CYFIP1: variants seen among roughly 807,000 people sequenced by gnomAD.
The protein encoded by CYFIP1 is cytoplasmic FMR1-interacting protein 1.
In CYFIP1, 58 loss-of-function variants were observed where a neutral mutation model predicts 163.5. The observed-to-expected ratio is 0.35, with a 90% CI of 0.29 to 0.44. The LOEUF is 0.44. CYFIP1 is among the 20% of genes least tolerant of loss of function. CYFIP1 has a pLI of 1.00. For synonymous variants in CYFIP1, 663 were observed against 660.7 expected (o/e 1.00, Z -0.05); for missense variants, 1,338 against 1,653.8 (o/e 0.81, Z 3.31).
chr15:22,872,259 C>T (rs1054501126), intron 30 of CYFIP1, among the ~76,000 whole-genome samples: 2 of 146,528 alleles, frequency 1.4e-5, no homozygotes, highest in Non-Finnish European at 1.5e-5. Flanking sequence ...CGTGGCATTG[C>T]ACCCCAGCCT....
chr15:22,958,880 G>A (rs953345926), intron 1 of CYFIP1, among the ~76,000 whole-genome samples: 11 of 152,140 alleles, frequency 7.2e-5, no homozygotes, highest in Non-Finnish European at 7.4e-5. Context: ...AAAACTATTC[G>A]GATGCTAAAA....
In CYFIP1 at chr15:22,908,518, C is replaced by CTTTTT. The variant is rs58565266; in HGVS notation, c.2388+671_2388+675dup. ...CTCTTGGTCCCTAAAGAAGATATTT[C>CTTTTT]TTTTTTTTTTTTTTTTTTTTTTTTT... On this transcript the variant is annotated intron_variant, in intron 21 of 30. Transcript: ENST00000617928. Among the ~76,000 whole-genome samples, 42 of 75,490 alleles carry CTTTTT rather than the reference C, an allele frequency of 5.6e-4. 3 individuals are homozygous for CTTTTT. In the East Asian group the frequency reaches 5.7e-3, roughly 10 times the overall value. 49.5% of individuals were successfully genotyped at this position (75,490 alleles called of 152,430 possible). A position where few individuals can be genotyped will look rare whatever the true frequency, so the allele number is the denominator to read the frequency against.
intron 1 of CYFIP1, among the ~76,000 whole-genome samples, chr15:22,966,924 C>T (rs1291663295): frequency 3.3e-5 from 5 of 151,922 alleles, no homozygotes; most frequent in African/African-American, 4.8e-5. Flanking sequence ...GACAGCTTTA[C>T]GTTGATGAAC....
chr15:22,945,269 G>C (rs1595675884), intron 3 of CYFIP1, among the ~76,000 whole-genome samples: 1 of 152,206 alleles, frequency 6.6e-6, no homozygotes, highest in African/African-American at 2.4e-5. Context: ...CACAGAGGAA[G>C]GGCTCAGGGC....
intron 13 of CYFIP1, among the ~76,000 whole-genome samples, chr15:22,921,149 C>T (rs907617776): frequency 1.3e-5 from 2 of 152,066 alleles, no homozygotes; most frequent in African/African-American, 4.8e-5. Flanking sequence ...GCAGGCGGAT[C>T]ACAAGGTCAG....
rs2059351669 is a variant in CYFIP1 at position 22,869,325 on chromosome 15, T to C, written c.*703A>G. ...GCTAAACCTGTGCTGAGGTGAGCGGTATATGGGATGGTGTCACGGTCCCAT... is the reference window on the plus strand; with the variant it reads ...GCTAAACCTGTGCTGAGGTGAGCGGCATATGGGATGGTGTCACGGTCCCAT... On this transcript the variant is annotated 3_prime_UTR_variant, in exon 31 of 31. Transcript: ENST00000617928. The C allele has an allele frequency of 6.6e-6, 1 of 152,070 alleles. No homozygotes were observed. The highest frequency in any genetic ancestry group is 2.4e-5 in the African/African-American group (1 of 41,350). The allele number at this position is 152,070 out of a possible 1,614,324, so 9.4% of individuals were successfully genotyped here.
rs998620796 is a variant in CYFIP1, at chr15:22,945,017, G to A, written c.208-78C>T. On this transcript the variant is annotated intron_variant, in intron 3 of 30. Transcript: ENST00000617928. The stretch of plus-strand genomic sequence containing the variant: ...AGCAGATGCCAGTTGCTAAAATCCA[G>A]ACAAAGCGCCACAAACTATCCTAAG... 7.6e-6 allele frequency: 10 copies of A among 1,310,258 alleles called. No homozygotes were observed. In the African/African-American group the frequency reaches 1.0e-4, roughly 13 times the overall value. The allele number at this position is 1,310,258 out of a possible 1,614,324, so 81.2% of individuals were successfully genotyped here.
chr15:22,950,637 C>T (rs1238669627), intron 1 of CYFIP1, among the ~76,000 whole-genome samples: 11 of 152,252 alleles, frequency 7.2e-5, no homozygotes, highest in African/African-American at 2.7e-4. Flanking sequence ...AAGTTTTAAA[C>T]TGTGCGCTGT....
Position 22,894,670 on chromosome 15 carries a change from G to C in CYFIP1, c.2589-1693C>G, listed in dbSNP as rs890718323. ...ATGTTTAAAATGATGGTTAAATTTA[G>C]AAAGCAGGCCTTAATTTATTTTGTC... On this transcript the variant is annotated intron_variant, in intron 22 of 30. Coordinates refer to ENST00000617928, the MANE Select transcript of CYFIP1 (RefSeq NM_014608.6). 1.3e-5 allele frequency among the ~76,000 whole-genome samples: 2 copies of C among 151,764 alleles called. 1 individual carries two copies. The highest frequency in any genetic ancestry group is 1.3e-4 in the Admixed American group (2 of 15,244).
rs1053809281 is a variant in CYFIP1 at position 22,903,801 on chromosome 15, G to T, written c.2493C>A (p.Asn831Lys). 1 of 1,614,088 alleles carries T rather than the reference G, an allele frequency of 6.2e-7. No individual in the cohort carries two copies. The highest frequency in any genetic ancestry group is 1.3e-5 in the African/African-American group (1 of 74,926). ...FDAMFREANHNVSAPYGRITL... is the reference protein window; with the variant it reads ...FDAMFREANHKVSAPYGRITL... ...TGATCCTCCCGTAGGGCGCTGACACGTTGTGGTTGGCCTCCCGGAACATGG... is the reference window on the plus strand; with the variant it reads ...TGATCCTCCCGTAGGGCGCTGACACTTTGTGGTTGGCCTCCCGGAACATGG... The change falls in exon 22 of 31, where the codon AAC becomes AAA. Residue 831 changes from asparagine (N) to lysine (K), a missense_variant. Around this residue, in one of 4 missense-constraint regions of CYFIP1, gnomAD observed 824 missense variants for 995.7 expected, o/e 0.83. Coordinates refer to ENST00000617928, the MANE Select transcript of CYFIP1 (RefSeq NM_014608.6).
chr15:22,885,256 G>T (rs994220059), intron 23 of CYFIP1, among the ~76,000 whole-genome samples: 1 of 152,098 alleles, frequency 6.6e-6, no homozygotes, highest in Non-Finnish European at 1.5e-5. Flanking sequence ...TCCAATTTCA[G>T]ATCTCTCTCA....
chr15:22,979,439 C>T (rs1261614663), intron 1 of CYFIP1, among the ~76,000 whole-genome samples: 2 of 146,036 alleles, frequency 1.4e-5, no homozygotes, highest in African/African-American at 2.6e-5. Flanking sequence ...AGCCACGGTG[C>T]CCTCCGCCGC....
At position 22,914,816 on chromosome 15, in the gene CYFIP1, A is replaced by G. The variant is rs1566965264; in HGVS notation, c.1895T>C (p.Met632Thr). 6.2e-7 allele frequency: 1 copy of G among 1,613,276 alleles called. No individual in the cohort carries two copies. Among genetic ancestry groups the G allele is most frequent in the Non-Finnish European group, 8.5e-7 (1 of 1,179,672 alleles). The change falls in exon 17 of 31, where the codon ATG becomes ACG. Residue 632 changes from methionine to threonine, a missense_variant. By Grantham distance (81) the Met-to-Thr change is moderately conservative (BLOSUM62 -1). Transcript: ENST00000617928. ...AATGGGGAACTGGATCCTCCTGCCC[A>G]TGGTCAGCTCCAGGAAGAACTCTCG... Reference protein sequence around the residue: ...WFREFFLELTMGRRIQFPIEM... With the variant: ...WFREFFLELTTGRRIQFPIEM...
chr15:22,918,538 A>G (rs574154932), intron 14 of CYFIP1, among the ~76,000 whole-genome samples, 154 bp downstream of exon 14: 3 of 152,322 alleles, frequency 2.0e-5, no homozygotes, highest in East Asian at 1.9e-4. Flanking sequence ...GGACCCATGC[A>G]TTACTTTTAG....
intron 1 of CYFIP1, among the ~76,000 whole-genome samples, chr15:22,976,752 C>T (rs1287537854): frequency 2.6e-5 from 4 of 152,254 alleles, no homozygotes; most frequent in African/African-American, 9.6e-5. Flanking sequence ...CCACAGTACA[C>T]GGAGGGTTCT....
At chr15:22,931,376 C>T (rs2061531497) in intron 11 of CYFIP1, among the ~76,000 whole-genome samples, 1 of 152,104 alleles carries the variant, frequency 6.6e-6, no homozygotes, top group Non-Finnish European at 1.5e-5. Context: ...CTGGAAGGAA[C>T]TAAAGAGAAA....
At position 22,881,855 on chromosome 15, in the gene CYFIP1, C is replaced by T. The variant is rs772208481; in HGVS notation, c.2902G>A (p.Gly968Ser). 3.8e-5 allele frequency: 62 copies of T among 1,610,776 alleles called. No homozygotes were observed. Among genetic ancestry groups the T allele is most frequent in the Non-Finnish European group, 4.8e-5 (57 of 1,179,934 alleles). The change falls in exon 25 of 31, where the codon GGC (glycine) becomes AGC (serine). Residue 968 changes from glycine to serine, a missense_variant. Around this residue, in one of 4 missense-constraint regions of CYFIP1, gnomAD observed 824 missense variants for 995.7 expected, o/e 0.83. Transcript: ENST00000617928. Reference sequence around the variant, plus strand: ...ACACGCCCGCACTCACCAGGAGAGCCGTACTCGTGCCGGGGCAGGCGGCAG... The same window carrying T: ...ACACGCCCGCACTCACCAGGAGAGCTGTACTCGTGCCGGGGCAGGCGGCAG... ...KICRLPRHEY[G>S]SPGILEFFHH... is the part of the protein sequence containing the mutation.
chr15:22,896,196 A>G (rs1025575523), intron 22 of CYFIP1, among the ~76,000 whole-genome samples: 3 of 152,124 alleles, frequency 2.0e-5, no homozygotes, highest in Non-Finnish European at 4.4e-5. Flanking sequence ...CCCTAAGAGG[A>G]AAACTAAGTT....
intron 1 of CYFIP1, among the ~76,000 whole-genome samples, chr15:22,957,697 AACAAAG>A (rs1244631277): frequency 6.6e-6 from 1 of 152,060 alleles, no homozygotes; most frequent in African/African-American, 2.4e-5. Context: ...AGCATAATCA[AACAAAG>A]ACAAACTATG....
Sources: allele counts gnomAD v4.1 joint callset (sites outside exome capture counted in the v4.1 genomes callset), GRCh38; gene constraint gnomAD v4.1.1; regional missense constraint gnomAD v4.1.1; transcripts MANE v1.5; gene names NCBI Gene and HGNC (gene_info 2026-07-23, HGNC 2026-07-21).